The following EEA1 variants were observed in gnomAD, a reference collection of about 807,000 sequenced individuals.
The protein encoded by EEA1 is early endosome antigen 1, 162kD.
A neutral mutation model predicts 209.2 loss-of-function variants in EEA1; 111 were observed. The ratio of observed to expected loss-of-function variants is 0.53; its 90% CI spans 0.45 to 0.62. The LOEUF (loss-of-function observed/expected upper bound fraction) is 0.62, where lower values mean the gene tolerates loss of function less well. EEA1 is among the 20% of genes least tolerant of loss of function. EEA1 has a pLI of 0.00. For missense variants in EEA1, 1,343 were observed against 1,530.8 expected (o/e 0.88, Z 2.05); for synonymous variants, 536 against 540.6 (o/e 0.99, Z 0.12).
chr12:92,865,003 G>C lies in EEA1; in HGVS notation c.118-16C>G, dbSNP rs777560764. The C allele has an allele frequency of 8.5e-5, 133 of 1,563,624 alleles. No individual in the cohort carries two copies. The highest frequency in any genetic ancestry group is 2.5e-4 in the East Asian group (11 of 43,330). On this transcript the variant is annotated splice_polypyrimidine_tract_variant and intron_variant, in intron 2 of 28. Transcript: ENST00000322349. ...ATATGAAACCCTATAGAAAGGGGCA[G>C]AAAAAAGTTTCAAAATAGTATTTAA... is the stretch of plus-strand genomic sequence containing the variant.
chr12:92,928,954 C>A (rs555340335), intron 1 of EEA1, 89 bp downstream of exon 1: 561 of 1,409,540 alleles, frequency 4.0e-4, no homozygotes, highest in Non-Finnish European at 5.1e-4. Flanking sequence ...AAGGAAGGAG[C>A]CCGCGCTGAG....
chr12:92,836,892 G>A (rs1219121670), intron 10 of EEA1, among the ~76,000 whole-genome samples: 2 of 152,088 alleles, frequency 1.3e-5, no homozygotes, highest in Non-Finnish European at 2.9e-5. Context: ...GGAGGCCGAG[G>A]CGGGCAGATC....
chr12:92,777,087 C>G, intron 27 of EEA1, 145 bp from the exon 28 acceptor site: 1 of 673,808 alleles, frequency 1.5e-6, no homozygotes, highest in Non-Finnish European at 2.4e-6. Flanking sequence ...ATACACTGGT[C>G]AGCTTCTATT....
chr12:92,868,678 A>G (rs1431948862), intron 2 of EEA1, among the ~76,000 whole-genome samples: 3 of 152,236 alleles, frequency 2.0e-5, no homozygotes, highest in Non-Finnish European at 4.4e-5. Flanking sequence ...AATATTCCAC[A>G]TAAGTGAATT....
intron 21 of EEA1, among the ~76,000 whole-genome samples, chr12:92,789,297 AAAG>A (rs1212927989): frequency 7.3e-5 from 11 of 151,312 alleles, no homozygotes; most frequent in South Asian, 4.2e-4. Context: ...CAAAAAAAAA[AAAG>A]AAAGAAAGAA....
chr12:92,869,178 G>A (rs1267291282), intron 2 of EEA1, among the ~76,000 whole-genome samples: 4 of 152,062 alleles, frequency 2.6e-5, no homozygotes, highest in Non-Finnish European at 5.9e-5. Context: ...GATGTCCAAG[G>A]GGATCGAGGT....
chr12:92,777,696 T>C, intron 26 of EEA1, 33 bp from the exon 27 acceptor site: 6 of 1,596,590 alleles, frequency 3.8e-6, no homozygotes, highest in Non-Finnish European at 5.1e-6. Flanking sequence ...AATTAATTTT[T>C]TAGAAAATCA....
Position 92,808,901 on chromosome 12 carries a change from A to G in EEA1, c.2339+116T>C, listed in dbSNP as rs547175792. The stretch of plus-strand genomic sequence containing the variant: ...CATCAGTTTATAAAATCAACACAAA[A>G]TAAATATCTAATAAGTCTTTAAGCA... On this transcript the variant is annotated intron_variant, in intron 18 of 28. Coordinates refer to ENST00000322349, the MANE Select transcript of EEA1 (RefSeq NM_003566.4). 3 of 831,078 alleles carry G rather than the reference A, an allele frequency of 3.6e-6. No homozygotes were observed. In the East Asian group the frequency reaches 9.5e-5, roughly 26 times the overall value. The allele number at this position is 831,078 out of a possible 1,614,324, so 51.5% of individuals were successfully genotyped here. A position where few individuals can be genotyped will look rare whatever the true frequency, so the allele number is the denominator to read the frequency against.
intron 9 of EEA1, among the ~76,000 whole-genome samples, chr12:92,850,837 C>T (rs1877596166): frequency 6.6e-6 from 1 of 151,588 alleles, no homozygotes; most frequent in African/African-American, 2.4e-5. Flanking sequence ...ATCAACCAAC[C>T]TTGAGTAAAT....
At chr12:92,834,886 T>C (rs535678512) in intron 10 of EEA1, among the ~76,000 whole-genome samples, 67 of 152,208 alleles carry the variant, frequency 4.4e-4, no homozygotes, top group African/African-American at 1.6e-3. Flanking sequence ...CTTTTTTTTT[T>C]CTTTTTCTTT....
intron 1 of EEA1, among the ~76,000 whole-genome samples, chr12:92,925,529 T>TA (rs1420838059): frequency 2.6e-5 from 4 of 152,196 alleles, no homozygotes; most frequent in African/African-American, 9.7e-5. Context: ...TAAGTTATAA[T>TA]ACTTAAGAAA....
In EEA1 at chr12:92,903,491, G is replaced by A. The variant is rs777855518; in HGVS notation, c.25-11770C>T. On this transcript the variant is annotated intron_variant, in intron 1 of 28. Transcript: ENST00000322349. The stretch of plus-strand genomic sequence containing the variant: ...CACGTGCCTGTAGTCCCAGCTACTC[G>A]AGAGGCTGAGGCAGGAGAATCACTT... 2.8e-4 allele frequency among the ~76,000 whole-genome samples: 42 copies of A among 151,456 alleles called. 2 individuals are homozygous for A. The highest frequency in any genetic ancestry group is 1.5e-5 in the Non-Finnish European group (1 of 67,882).
In EEA1 at chr12:92,773,939, G is replaced by C. The variant is rs535603582; in HGVS notation, c.*2072C>G. ...TTACTTGTTGTCTTAAAATTTTTTT[G>C]TGAGTATTTTGGGGGTAAAGGGGAG... On this transcript the variant is annotated 3_prime_UTR_variant, in exon 29 of 29. Coordinates refer to ENST00000322349, the MANE Select transcript of EEA1 (RefSeq NM_003566.4). 5 of 139,012 alleles carry C rather than the reference G, an allele frequency of 3.6e-5. No individual in the cohort carries two copies. Among genetic ancestry groups the C allele is most frequent in the Non-Finnish European group, 8.0e-5 (5 of 62,204 alleles). The allele number at this position is 139,012 out of a possible 1,614,324, so 8.6% of individuals were successfully genotyped here. A position where few individuals can be genotyped will look rare whatever the true frequency, so the allele number is the denominator to read the frequency against.
At chr12:92,898,483 G>T (rs1879989584) in intron 1 of EEA1, among the ~76,000 whole-genome samples, 2 of 151,912 alleles carry the variant, frequency 1.3e-5, no homozygotes, top group South Asian at 4.1e-4. Context: ...GGCCAATATG[G>T]TGAAACCTCA....
At chr12:92,870,287 G>A (rs947295454) in intron 2 of EEA1, among the ~76,000 whole-genome samples, 1 of 152,044 alleles carries the variant, frequency 6.6e-6, no homozygotes, top group Non-Finnish European at 1.5e-5. Flanking sequence ...GGTGCAAAAG[G>A]TTGCATTATT....
At position 92,864,861 on chromosome 12, in the gene EEA1, G is replaced by A. The variant is rs772213108; in HGVS notation, c.244C>T (p.Arg82Ter). The A allele has an allele frequency of 1.5e-5, 24 of 1,592,904 alleles. No homozygotes were observed. Among genetic ancestry groups the A allele is most frequent in the East Asian group, 4.6e-5 (2 of 43,800 alleles). ...HGGESNLALK[R>*]DDVTLLRQEV... ...TACTTCAAAATTATCATACCGTACCGCTTCAAAGCAAGATTAGACTCTCCT... is the reference window on the plus strand; with the variant it reads ...TACTTCAAAATTATCATACCGTACCACTTCAAAGCAAGATTAGACTCTCCT... Residue 82 changes from arginine (R) to a stop codon, truncating the protein, a stop_gained and splice_region_variant, in exon 3 of 29, where the codon CGA (arginine) becomes TGA (stop). Transcript: ENST00000322349. LOFTEE classifies it high-confidence loss of function.
chr12:92,863,603 T>C lies in EEA1; in HGVS notation c.245+1257A>G, dbSNP rs536399707. 2.1e-4 allele frequency among the ~76,000 whole-genome samples: 32 copies of C among 152,356 alleles called. 1 individual carries two copies. The South Asian group carries it at 6.0e-3, about 29-fold the overall frequency. ...TCCCTCACTTAAAGCAAAAGAATCA[T>C]GCAGTCAATTCAAAGAATCATGAGA... On this transcript the variant is annotated intron_variant, in intron 3 of 28. Transcript: ENST00000322349.
At chr12:92,807,262 T>TTA (rs1555200327) in intron 18 of EEA1, among the ~76,000 whole-genome samples, 2 of 151,992 alleles carry the variant, frequency 1.3e-5, no homozygotes, top group African/African-American at 2.4e-5. Context: ...AATTTTTTTT[T>TTA]TATATATAAC....
intron 2 of EEA1, among the ~76,000 whole-genome samples, chr12:92,881,672 T>C (rs12316470): frequency 1.5e-3 from 222 of 152,050 alleles, no homozygotes; most frequent in African/African-American, 5.2e-3. Flanking sequence ...CATTAGTGAG[T>C]AGTTTCAGTG....
Sources: gnomAD v4.1 joint callset for allele counts (sites outside exome capture counted in the v4.1 genomes callset) on GRCh38, gnomAD v4.1.1 for gene constraint, MANE v1.5 for transcripts, NCBI Gene and HGNC (gene_info 2026-07-23, HGNC 2026-07-21) for gene names.